The following PTCHD4 variants were observed in gnomAD, a reference collection of about 807,000 sequenced individuals.
PTCHD4 encodes the protein patched domain-containing protein 4.
Under a neutral mutation model 58.1 loss-of-function variants are expected in PTCHD4, and 33 were observed. The observed-to-expected ratio is 0.57, with a 90% CI of 0.43 to 0.76. The LOEUF (loss-of-function observed/expected upper bound fraction) is 0.76, where lower values mean the gene tolerates loss of function less well. PTCHD4 is among the 30% of genes least tolerant of loss of function. The pLI is 0.00. For missense variants in PTCHD4, 1,058 were observed against 1,027.1 expected, an observed-to-expected ratio of 1.03 and a Z score of -0.41; for synonymous variants, 478 against 409.6, an observed-to-expected ratio of 1.17 and a Z score of -2.02.
intron 3 of PTCHD4, among the ~76,000 whole-genome samples, chr6:48,030,936 C>T (rs771607876): frequency 6.6e-6 from 1 of 152,040 alleles, no homozygotes; most frequent in Non-Finnish European, 1.5e-5. Context: ...AAAGGTGACT[C>T]AGAAAGTCTT....
At chr6:48,057,490 C>T (rs1764453962) in intron 3 of PTCHD4, among the ~76,000 whole-genome samples, 1 of 152,212 alleles carries the variant, frequency 6.6e-6, no homozygotes, top group South Asian at 2.1e-4. Flanking sequence ...ATTCACTGTA[C>T]ATTTATAACA....
At chr6:47,965,404 A>G (rs1767248145) in intron 4 of PTCHD4, among the ~76,000 whole-genome samples, 3 of 152,212 alleles carry the variant, frequency 2.0e-5, no homozygotes, top group Admixed American at 2.0e-4. Context: ...AAAGATCTTG[A>G]GAAACATTTC....
At chr6:47,905,992 C>T (rs998587220) in intron 4 of PTCHD4, among the ~76,000 whole-genome samples, 72 of 152,342 alleles carry the variant, frequency 4.7e-4, no homozygotes, top group African/African-American at 1.7e-3. Context: ...GGGGGCCCAT[C>T]AATTTTCCTT....
At chr6:48,060,454 G>T in intron 3 of PTCHD4, among the ~76,000 whole-genome samples, 1 of 152,074 alleles carries the variant, frequency 6.6e-6, no homozygotes, top group East Asian at 1.9e-4. Flanking sequence ...CTAGAACCCA[G>T]AACCTATGCT....
intron 4 of PTCHD4, among the ~76,000 whole-genome samples, chr6:47,913,475 T>C (rs1378389009): frequency 3.3e-5 from 5 of 152,096 alleles, no homozygotes; most frequent in African/African-American, 1.2e-4. Flanking sequence ...TTCACTCTGG[T>C]AAAAAATCAG....
Position 47,879,796 on chromosome 6 carries a change from T to C in PTCHD4, c.1039A>G (p.Thr347Ala). 6 of 1,613,574 alleles carry C rather than the reference T, an allele frequency of 3.7e-6. No individual in the cohort carries two copies. Among genetic ancestry groups the C allele is most frequent in the Non-Finnish European group, 5.1e-6 (6 of 1,179,756 alleles). ...YTMTSSLYFITFGMGASPFTN... is the reference protein window; with the variant it reads ...YTMTSSLYFIAFGMGASPFTN... ...AATGGGCTGGCACCCATGCCAAAAG[T>C]GATGAAGTACAGGGAGCTGGTCATG... Residue 347 changes from threonine to alanine, a missense_variant, in exon 5 of 5, where the codon ACT becomes GCT. By Grantham distance (58) the Thr-to-Ala change is moderately conservative (BLOSUM62 0). Transcript: ENST00000339488.
intron 4 of PTCHD4, among the ~76,000 whole-genome samples, chr6:47,996,078 T>C (rs1384431429): frequency 6.6e-6 from 1 of 152,230 alleles, no homozygotes; most frequent in Non-Finnish European, 1.5e-5. Flanking sequence ...TTCAAACTTT[T>C]ATATATTTTT....
chr6:47,888,340 G>C (rs1764259501), intron 4 of PTCHD4, among the ~76,000 whole-genome samples: 5 of 152,052 alleles, frequency 3.3e-5, no homozygotes, highest in Admixed American at 3.3e-4. Context: ...CTGGGCGACA[G>C]CGCGAGACTC....
At chr6:48,080,792 T>G (rs1765151388) in intron 1 of PTCHD4, among the ~76,000 whole-genome samples, 1 of 152,228 alleles carries the variant, frequency 6.6e-6, no homozygotes, top group Admixed American at 6.5e-5. Context: ...AATTCCTGTT[T>G]GCCTTGTGTA....
chr6:47,897,706 A>G (rs1387893249), intron 4 of PTCHD4, among the ~76,000 whole-genome samples: 1 of 152,148 alleles, frequency 6.6e-6, no homozygotes, highest in Non-Finnish European at 1.5e-5. Context: ...GCTTTTATTT[A>G]TAAGGATGAC....
rs955094724 is a variant in PTCHD4 at position 47,860,662 on chromosome 6, T to C, written c.*17641A>G. Among the ~76,000 whole-genome samples, 3 of 151,970 alleles carry C rather than the reference T, an allele frequency of 2.0e-5. No homozygotes were observed. The highest frequency in any genetic ancestry group is 7.2e-5 in the African/African-American group (3 of 41,402). ...CTCTGAACTCATATCTTCAATTTCC[T>C]AGAGTATTGTTACCTAGCAGGGTCA... On this transcript the variant is annotated 3_prime_UTR_variant, in exon 5 of 5. Transcript: ENST00000339488.
At chr6:47,907,171 G>A (rs1048265814) in intron 4 of PTCHD4, among the ~76,000 whole-genome samples, 4 of 152,090 alleles carry the variant, frequency 2.6e-5, no homozygotes, top group Admixed American at 6.5e-5. Flanking sequence ...GACTGTACTC[G>A]GAACAGAGAA....
chr6:47,970,039 G>A (rs1218101887), intron 4 of PTCHD4, among the ~76,000 whole-genome samples: 1 of 152,160 alleles, frequency 6.6e-6, no homozygotes, highest in Non-Finnish European at 1.5e-5. Context: ...CTGAGCATAT[G>A]GATGTAGCTG....
chr6:47,934,516 C>G (rs1197851436), intron 4 of PTCHD4, among the ~76,000 whole-genome samples: 1 of 152,072 alleles, frequency 6.6e-6, no homozygotes, highest in South Asian at 2.1e-4. Flanking sequence ...GTAATGTAAT[C>G]TAGTAGCATA....
At chr6:47,894,139 G>T (rs1764460138) in intron 4 of PTCHD4, among the ~76,000 whole-genome samples, 1 of 152,192 alleles carries the variant, frequency 6.6e-6, no homozygotes, top group African/African-American at 2.4e-5. Context: ...CTCAGAAATG[G>T]CAGGAGCAGG....
At chr6:48,002,585 A>G (rs1319117923) in intron 4 of PTCHD4, among the ~76,000 whole-genome samples, 1 of 151,604 alleles carries the variant, frequency 6.6e-6, no homozygotes. Flanking sequence ...CAGGAAGGGG[A>G]ATATCACACA....
chr6:47,982,560 C>G (rs1767921317), intron 4 of PTCHD4, among the ~76,000 whole-genome samples: 2 of 149,134 alleles, frequency 1.3e-5, no homozygotes, highest in South Asian at 4.2e-4. Context: ...GCGATCTCAG[C>G]TCACTGCAGG....
intron 4 of PTCHD4, among the ~76,000 whole-genome samples, chr6:47,916,112 C>T (rs1765234574): frequency 6.6e-6 from 1 of 152,078 alleles, no homozygotes; most frequent in Non-Finnish European, 1.5e-5. Context: ...GTGCTGAAGG[C>T]TGCTGGAGGA....
chr6:48,051,354 T>G (rs531109791), intron 3 of PTCHD4, among the ~76,000 whole-genome samples: 1 of 152,146 alleles, frequency 6.6e-6, no homozygotes, highest in East Asian at 1.9e-4. Flanking sequence ...CTATAGTTAC[T>G]TCATAATTTT....
Sources: allele counts gnomAD v4.1 joint callset (sites outside exome capture counted in the v4.1 genomes callset), GRCh38; gene constraint gnomAD v4.1.1; transcripts MANE v1.5; gene names NCBI Gene and HGNC (gene_info 2026-07-23, HGNC 2026-07-21).